DNAH3: variants seen among roughly 807,000 people sequenced by gnomAD.
DNAH3 encodes dynein axonemal heavy chain 3.
A neutral mutation model predicts 432.5 loss-of-function variants in DNAH3; 332 were observed. That is an observed-to-expected ratio of 0.77 (90% CI 0.70 to 0.84). The LOEUF is 0.84. Among genes scored for constraint, DNAH3 ranks in the 40% least tolerant of loss-of-function variants. The pLI, the probability that DNAH3 is intolerant of heterozygous loss-of-function variation, is 0.00. For synonymous variants in DNAH3, 1,956 were observed against 1,900.2 expected (o/e 1.03, Z -0.76); for missense variants, 4,861 against 5,114.0 (o/e 0.95, Z 1.51).
At chr16:21,052,816 C>T (rs1405509023) in intron 28 of DNAH3, among the ~76,000 whole-genome samples, 1 of 152,160 alleles carries the variant, frequency 6.6e-6, no homozygotes, top group Non-Finnish European at 1.5e-5. Context: ...CCATTTCAGG[C>T]CCCTAGGATA....
At chr16:20,941,809 G>A (rs1254724901) in intron 58 of DNAH3, among the ~76,000 whole-genome samples, 1 of 152,162 alleles carries the variant, frequency 6.6e-6, no homozygotes, top group Non-Finnish European at 1.5e-5. Context: ...TGTAATCCCA[G>A]CACTTTAGGA....
intron 53 of DNAH3, among the ~76,000 whole-genome samples, chr16:20,960,768 C>T (rs2084783508): frequency 6.6e-6 from 1 of 152,194 alleles, no homozygotes; most frequent in African/African-American, 2.4e-5. Flanking sequence ...AAGGAAAAGA[C>T]ATGGAAGCTC....
chr16:21,058,752 C>G (rs551266976), intron 26 of DNAH3, among the ~76,000 whole-genome samples: 1 of 152,186 alleles, frequency 6.6e-6, no homozygotes, highest in East Asian at 1.9e-4. Flanking sequence ...AAACCAAACA[C>G]TGCATGTTCT....
chr16:20,948,588 G>C (rs371437816), exon 57 of DNAH3: 13 of 1,613,988 alleles, frequency 8.1e-6, no homozygotes, highest in Non-Finnish European at 1.1e-5. Context: ...GTGACAGCAG[G>C]AGACGCCGGT....
chr16:21,067,484 A>G, intron 23 of DNAH3, 65 bp from the exon 24 acceptor site: 5 of 1,571,450 alleles, frequency 3.2e-6, no homozygotes, highest in Non-Finnish European at 4.4e-6. Context: ...TGGTCATTGT[A>G]TTGAATGTGT....
At chr16:20,963,443 G>A in exon 53 of DNAH3, 1 of 1,614,120 alleles carries the variant, frequency 6.2e-7, no homozygotes, top group Non-Finnish European at 8.5e-7. Flanking sequence ...ATTTTGTCAG[G>A]CCGCAAACAT....
At chr16:20,937,000 C>G in intron 59 of DNAH3, 147 bp from the exon 60 acceptor site, 3 of 657,464 alleles carry the variant, frequency 4.6e-6, no homozygotes, top group Middle Eastern at 8.4e-4. Flanking sequence ...TACCTTGCTA[C>G]CTAAAGATAA....
intron 12 of DNAH3, 36 bp from the exon 13 acceptor site, chr16:21,112,134 AT>A (rs2092090695): frequency 7.0e-7 from 1 of 1,426,072 alleles, no homozygotes; most frequent in Non-Finnish European, 9.8e-7. Flanking sequence ...AAACACACAA[AT>A]ATAAGTCAAC....
At chr16:21,110,966 G>A (rs1428406315) in intron 14 of DNAH3, among the ~76,000 whole-genome samples, 1 of 152,172 alleles carries the variant, frequency 6.6e-6, no homozygotes, top group Non-Finnish European at 1.5e-5. Context: ...GACTGTACCT[G>A]TGAATAACCA....
In DNAH3 at chr16:21,030,926, T is replaced by G. The variant is rs917298177; in HGVS notation, c.5439+119A>C. ...CCTCCTGTGGGGCATTTATTCTTAA[T>G]GTATACAGAATACATACATAATAAA... On this transcript the variant is annotated intron_variant, in intron 37 of 61. Transcript: ENST00000261383. 3 of 1,018,186 alleles carry G rather than the reference T, an allele frequency of 2.9e-6. No individual in the cohort carries two copies. In the Admixed American group the frequency reaches 6.7e-5, roughly 23 times the overall value. The allele number at this position is 1,018,186 out of a possible 1,614,324, so 63.1% of individuals were successfully genotyped here. A position where few individuals can be genotyped will look rare whatever the true frequency, so the allele number is the denominator to read the frequency against.
chr16:21,102,180 C>T (rs959999857), intron 16 of DNAH3, among the ~76,000 whole-genome samples: 2 of 152,156 alleles, frequency 1.3e-5, no homozygotes, highest in South Asian at 2.1e-4. Flanking sequence ...TAGAGCCGCC[C>T]TCTGCTGGCC....
intron 11 of DNAH3, among the ~76,000 whole-genome samples, chr16:21,120,083 CTT>C (rs770321931): frequency 5.4e-5 from 8 of 147,276 alleles, no homozygotes; most frequent in African/African-American, 1.5e-4. Context: ...TCAAAAGTCT[CTT>C]GTTAGCTTTT....
At chr16:21,025,812 C>T (rs2088522409) in intron 38 of DNAH3, among the ~76,000 whole-genome samples, 2 of 151,906 alleles carry the variant, frequency 1.3e-5, no homozygotes, top group African/African-American at 4.8e-5. Context: ...CGGCTCACTG[C>T]AACTTTTGCC....
rs61277332 is a variant in DNAH3 at position 21,092,698 on chromosome 16, CAAAAAAAAA to C, written c.2665+4648_2665+4656del. Among the ~76,000 whole-genome samples, 60 of 11,530 alleles carry C rather than the reference CAAAAAAAAA, an allele frequency of 5.2e-3. 2 individuals carry two copies. Among genetic ancestry groups the C allele is most frequent in the South Asian group, 8.3e-3 (2 of 240 alleles). 7.6% of individuals were successfully genotyped at this position (11,530 alleles called of 152,430 possible). ...GGCACAGTCTGGAAGAAAATATTTG[CAAAAAAAAA>C]AAAAAAAAAAAAAAAAAGATCTGAT... On this transcript the variant is annotated intron_variant, in intron 18 of 61. Coordinates refer to ENST00000261383, the Ensembl canonical transcript of DNAH3.
At chr16:21,113,557 C>G (rs973959581) in intron 12 of DNAH3, among the ~76,000 whole-genome samples, 31 of 152,188 alleles carry the variant, frequency 2.0e-4, no homozygotes, top group Non-Finnish European at 3.8e-4. Flanking sequence ...CTCCCAGCTT[C>G]AAGTGATTCT....
chr16:20,953,141 T>C (rs1281859815), intron 55 of DNAH3, among the ~76,000 whole-genome samples: 1 of 151,742 alleles, frequency 6.6e-6, no homozygotes, highest in Non-Finnish European at 1.5e-5. Context: ...TTGCTTTTGT[T>C]TGTTTTGTTT....
chr16:20,994,049 A>G (rs1262953387), intron 44 of DNAH3, among the ~76,000 whole-genome samples: 8 of 152,232 alleles, frequency 5.3e-5, no homozygotes, highest in African/African-American at 1.9e-4. Flanking sequence ...TTATTCAGAT[A>G]CTTCAGACAC....
exon 6 of DNAH3, chr16:21,136,393 CCAGGAAGGGACTCGTCAGCAGCGT>C: frequency 1.4e-5 from 22 of 1,614,028 alleles, no homozygotes; most frequent in Non-Finnish European, 1.9e-5. Context: ...ATCAGGGGCT[CCAGGAAGGGACTCGTCAGCAGCGT>C]GTTAGAAATC....
intron 16 of DNAH3, among the ~76,000 whole-genome samples, chr16:21,102,303 C>T (rs926081120): frequency 1.3e-5 from 2 of 152,184 alleles, no homozygotes; most frequent in Admixed American, 1.3e-4. Context: ...GTTCCCATTC[C>T]TCACAGAGCC....
Sources: gnomAD v4.1 joint callset for allele counts (sites outside exome capture counted in the v4.1 genomes callset) on GRCh38, gnomAD v4.1.1 for gene constraint, MANE v1.5 for transcripts, NCBI Gene and HGNC (gene_info 2026-07-23, HGNC 2026-07-21) for gene names.